SIPA1L1: variants seen among roughly 807,000 people sequenced by gnomAD.
The protein encoded by SIPA1L1 is signal induced proliferation associated 1 like 1, also known as signal-induced proliferation-associated 1-like protein 1.
A neutral mutation model predicts 162.7 loss-of-function variants in SIPA1L1; 26 were observed. That is an observed-to-expected ratio of 0.16 (90% CI 0.12 to 0.22). The LOEUF (loss-of-function observed/expected upper bound fraction) is 0.22, where lower values mean the gene tolerates loss of function less well. Among genes scored for constraint, SIPA1L1 ranks in the 10% least tolerant of loss-of-function variants. The pLI, the probability that SIPA1L1 is intolerant of heterozygous loss-of-function variation, is 1.00. For missense variants in SIPA1L1, 1,874 were observed against 2,241.0 expected, an observed-to-expected ratio of 0.84 and a Z score of 3.31; for synonymous variants, 829 against 837.4, an observed-to-expected ratio of 0.99 and a Z score of 0.17.
intron 4 of SIPA1L1, among the ~76,000 whole-genome samples, chr14:71,531,122 G>A (rs1365209474): frequency 6.6e-6 from 1 of 152,104 alleles, no homozygotes; most frequent in Non-Finnish European, 1.5e-5. Flanking sequence ...CTACACTCCT[G>A]TGCAGGTGTG....
chr14:71,533,993 G>A (rs1186577919), intron 4 of SIPA1L1, among the ~76,000 whole-genome samples: 1 of 152,050 alleles, frequency 6.6e-6, no homozygotes, highest in Admixed American at 6.6e-5. Flanking sequence ...GGAGGCCAAG[G>A]TGGGAGGATT....
chr14:71,673,074 T>G (rs1393937261), intron 12 of SIPA1L1, among the ~76,000 whole-genome samples: 1 of 152,238 alleles, frequency 6.6e-6, no homozygotes, highest in Non-Finnish European at 1.5e-5. Context: ...CTTTGCTGTC[T>G]CAGTCTGGCA....
intron 17 of SIPA1L1, among the ~76,000 whole-genome samples, chr14:71,722,712 T>C (rs550727384): frequency 6.6e-6 from 1 of 152,322 alleles, no homozygotes; most frequent in Admixed American, 6.5e-5. Flanking sequence ...TTTTGGACTC[T>C]TTAGTCATGC....
rs117911069 is a variant in SIPA1L1, at chr14:71,386,871, C to T, written c.-465+65690C>T. ...GATCCAAACTTGAGTACTTTCTTCT[C>T]GTTACTGTGAATTTTCTCATTGGTT... On this transcript the variant is annotated intron_variant, in intron 2 of 23. Coordinates refer to ENST00000381232, the MANE Select transcript of SIPA1L1 (RefSeq NM_001386936.1). 4.7e-3 allele frequency among the ~76,000 whole-genome samples: 722 copies of T among 152,284 alleles called. 4 individuals are homozygous for T. Among genetic ancestry groups the T allele is most frequent in the South Asian group, 0.011 (53 of 4,826 alleles).
intron 2 of SIPA1L1, among the ~76,000 whole-genome samples, chr14:71,327,249 A>AT (rs1019814679): frequency 6.6e-6 from 1 of 150,452 alleles, no homozygotes; most frequent in African/African-American, 2.4e-5. Context: ...TGCCCAGCTA[A>AT]TTTTTTGTAT....
At chr14:71,557,682 T>C (rs1216362136) in intron 4 of SIPA1L1, among the ~76,000 whole-genome samples, 1 of 152,168 alleles carries the variant, frequency 6.6e-6, no homozygotes, top group Non-Finnish European at 1.5e-5. Context: ...CATGATTGAC[T>C]CCTATGTGAG....
At chr14:71,540,338 G>A (rs191059610) in intron 4 of SIPA1L1, among the ~76,000 whole-genome samples, 221 of 152,234 alleles carry the variant, frequency 1.5e-3, no homozygotes, top group African/African-American at 5.1e-3. Flanking sequence ...TACCATCAAA[G>A]GCTGATAGAA....
chr14:71,356,073 G>C (rs1163740402), intron 2 of SIPA1L1, among the ~76,000 whole-genome samples: 1 of 151,934 alleles, frequency 6.6e-6, no homozygotes, highest in African/African-American at 2.4e-5. Flanking sequence ...ATAAAGTCAG[G>C]GTGCTGCAAA....
At chr14:71,379,295 T>C (rs55725930) in intron 2 of SIPA1L1, among the ~76,000 whole-genome samples, 1 of 151,934 alleles carries the variant, frequency 6.6e-6, no homozygotes, top group Admixed American at 6.6e-5. Context: ...AAGACTTTCT[T>C]TCTTTCTTTT....
chr14:71,546,716 A>T (rs939845125), intron 4 of SIPA1L1, among the ~76,000 whole-genome samples: 6 of 152,110 alleles, frequency 3.9e-5, no homozygotes, highest in Non-Finnish European at 7.4e-5. Context: ...GTACAATATG[A>T]CTAACCGTGT....
At chr14:71,508,128 C>T (rs1200289590) in intron 2 of SIPA1L1, among the ~76,000 whole-genome samples, 1 of 152,136 alleles carries the variant, frequency 6.6e-6, no homozygotes. Context: ...AATGTGGCCT[C>T]AAAGCTATCA....
At chr14:71,321,926 C>T (rs1393614555) in intron 2 of SIPA1L1, 1 of 152,158 alleles carries the variant, frequency 6.6e-6, no homozygotes, top group South Asian at 2.1e-4. Flanking sequence ...AGATGTTTAG[C>T]TAAATTGTTG....
chr14:71,396,011 G>A (rs2041163802), intron 2 of SIPA1L1, among the ~76,000 whole-genome samples: 1 of 152,062 alleles, frequency 6.6e-6, no homozygotes, highest in South Asian at 2.1e-4. Context: ...ACACTCCACT[G>A]TGATGTCCTG....
At chr14:71,503,262 T>C (rs916263886) in intron 2 of SIPA1L1, among the ~76,000 whole-genome samples, 4 of 152,226 alleles carry the variant, frequency 2.6e-5, no homozygotes, top group Admixed American at 2.0e-4. Context: ...TAGAAGGTCA[T>C]GATGGAATTT....
At chr14:71,488,223 C>G (rs906762934) in intron 2 of SIPA1L1, among the ~76,000 whole-genome samples, 1 of 152,038 alleles carries the variant, frequency 6.6e-6, no homozygotes. Context: ...TACAAATGGG[C>G]ACATCTGCTA....
chr14:71,540,137 T>C (rs907379956), intron 4 of SIPA1L1, among the ~76,000 whole-genome samples: 10 of 152,178 alleles, frequency 6.6e-5, no homozygotes, highest in East Asian at 5.8e-4. Context: ...ACATTTCTTA[T>C]AGCAGCCGAT....
intron 15 of SIPA1L1, 97 bp from the exon 16 acceptor site, chr14:71,705,125 G>A: frequency 1.2e-6 from 1 of 849,494 alleles, no homozygotes; most frequent in Non-Finnish European, 2.0e-6. Flanking sequence ...TTGCTGGTCA[G>A]TGAACTGAAA....
At chr14:71,672,305 C>T (rs1448188378) in intron 11 of SIPA1L1, 43 bp from the exon 12 acceptor site, 3 of 1,598,476 alleles carry the variant, frequency 1.9e-6, no homozygotes, top group Non-Finnish European at 2.6e-6. Flanking sequence ...CCACTTAATA[C>T]CCTATTGCTT....
intron 2 of SIPA1L1, among the ~76,000 whole-genome samples, chr14:71,466,321 A>G (rs1160421268): frequency 1.3e-5 from 2 of 152,192 alleles, no homozygotes; most frequent in Non-Finnish European, 2.9e-5. Context: ...GGCAGAGCAA[A>G]CGAACACAGT....
Sources: allele counts gnomAD v4.1 joint callset (sites outside exome capture counted in the v4.1 genomes callset), GRCh38; gene constraint gnomAD v4.1.1; transcripts MANE v1.5; gene names NCBI Gene and HGNC (gene_info 2026-07-23, HGNC 2026-07-21).